SLC22A16: variants seen among roughly 807,000 people sequenced by gnomAD.
SLC22A16 encodes the protein WUGSC:RG331P03.1.
SLC22A16 carries 53 observed loss-of-function variants against 52.9 expected under a neutral mutation model. The observed-to-expected ratio is 1.00, with a 90% CI of 0.80 to 1.26. The LOEUF (loss-of-function observed/expected upper bound fraction) is 1.26, where lower values mean the gene tolerates loss of function less well. Among genes scored for constraint, SLC22A16 ranks in the 50% most tolerant of loss-of-function variants. The pLI, the probability that SLC22A16 is intolerant of heterozygous loss-of-function variation, is 0.00. For synonymous variants in SLC22A16, 291 were observed against 268.8 expected (o/e 1.08, Z -0.81); for missense variants, 726 against 704.0 (o/e 1.03, Z -0.35).
At chr6:110,425,520 A>C in intron 7 of SLC22A16, 2 of 602,258 alleles carry the variant, frequency 3.3e-6, no homozygotes, top group Non-Finnish European at 5.2e-6. Context: ...TGCCCCAATA[A>C]TCAGTACACT....
chr6:110,459,323 G>A (rs1775781120), intron 1 of SLC22A16, among the ~76,000 whole-genome samples: 1 of 152,170 alleles, frequency 6.6e-6, no homozygotes, highest in South Asian at 2.1e-4. Flanking sequence ...ACCAAGTGAT[G>A]AAGGTTAACA....
At chr6:110,470,652 C>T (rs1340444762) in intron 1 of SLC22A16, among the ~76,000 whole-genome samples, 1 of 152,072 alleles carries the variant, frequency 6.6e-6, no homozygotes, top group African/African-American at 2.4e-5. Flanking sequence ...TCTCTCTCTT[C>T]CCCTCTCCTT....
At chr6:110,442,148 A>G in intron 4 of SLC22A16, 96 bp downstream of exon 4, 1 of 1,245,852 alleles carries the variant, frequency 8.0e-7, no homozygotes, top group Non-Finnish European at 1.1e-6. Context: ...TATTAAAAAC[A>G]TTCTTTTTCT....
At chr6:110,434,311 GT>G (rs1774629304) in intron 6 of SLC22A16, among the ~76,000 whole-genome samples, 2 of 152,118 alleles carry the variant, frequency 1.3e-5, no homozygotes, top group South Asian at 4.1e-4. Context: ...GGTCCCAGCT[GT>G]GTGTCTTGCA....
chr6:110,431,085 A>G, intron 7 of SLC22A16, 86 bp downstream of exon 7: 2 of 1,104,918 alleles, frequency 1.8e-6, no homozygotes, highest in Non-Finnish European at 2.7e-6. Flanking sequence ...ACTGGCTTTC[A>G]GTAAATAACA....
intron 1 of SLC22A16, among the ~76,000 whole-genome samples, chr6:110,465,176 C>A (rs1776019946): frequency 6.6e-6 from 1 of 151,508 alleles, no homozygotes; most frequent in African/African-American, 2.4e-5. Context: ...TATAACAAAC[C>A]CGTAGCCAAC....
At chr6:110,458,493 C>A (rs970534955) in intron 1 of SLC22A16, among the ~76,000 whole-genome samples, 29 of 152,150 alleles carry the variant, frequency 1.9e-4, no homozygotes, top group African/African-American at 6.5e-4. Flanking sequence ...ACAATTTGAG[C>A]AACAAAATAA....
At chr6:110,460,047 C>T (rs1352499953) in intron 1 of SLC22A16, among the ~76,000 whole-genome samples, 1 of 152,130 alleles carries the variant, frequency 6.6e-6, no homozygotes, top group Non-Finnish European at 1.5e-5. Flanking sequence ...ACCAACATTC[C>T]TATAAAACCA....
chr6:110,471,092 C>T (rs1365755903), intron 1 of SLC22A16, among the ~76,000 whole-genome samples: 3 of 152,180 alleles, frequency 2.0e-5, no homozygotes, highest in South Asian at 4.1e-4. Flanking sequence ...CCACATGCCA[C>T]AAAACGACGT....
intron 6 of SLC22A16, 21 bp downstream of exon 6, chr6:110,435,831 C>G (rs1384065640): frequency 6.6e-7 from 1 of 1,515,106 alleles, no homozygotes; most frequent in Admixed American, 1.9e-5. Flanking sequence ...GGAAAACAAC[C>G]AGAAAACAAT....
chr6:110,454,280 A>C (rs1202315271), intron 2 of SLC22A16, among the ~76,000 whole-genome samples: 1 of 152,148 alleles, frequency 6.6e-6, no homozygotes, highest in Non-Finnish European at 1.5e-5. Context: ...CAAGAAGTAT[A>C]GAAGACTACA....
intron 1 of SLC22A16, among the ~76,000 whole-genome samples, chr6:110,466,982 A>T (rs1262684720): frequency 6.7e-6 from 1 of 150,166 alleles, no homozygotes; most frequent in Non-Finnish European, 1.5e-5. Flanking sequence ...ATCTGCATTC[A>T]ATCTGATGAG....
chr6:110,425,000 C>T lies in SLC22A16; in HGVS notation c.1607G>A (p.Trp536Ter), dbSNP rs776490761. 3.9e-5 allele frequency: 63 copies of T among 1,614,024 alleles called. No homozygotes were observed. The highest frequency in any genetic ancestry group is 5.3e-5 in the Non-Finnish European group (62 of 1,180,044). ...ETLGKRLATT[W>*]EEAAKLESEN... ...TGACTCCAGTTTTGCAGCCTCCTCC[C>T]AAGTAGTTGCTAGCCGTTTCCCAAG... The change falls in exon 8 of 8, where the codon TGG (tryptophan) becomes TAG (stop). Residue 536 changes from tryptophan to a stop codon, truncating the protein, a stop_gained. Transcript: ENST00000368919. LOFTEE classifies it low-confidence loss of function (END_TRUNC).
rs77392685 is a variant in SLC22A16 at position 110,455,131 on chromosome 6, A to G, written c.533+1407T>C. Among the ~76,000 whole-genome samples, 488 of 146,858 alleles carry G rather than the reference A, an allele frequency of 3.3e-3. 1 individual carries two copies. The highest frequency in any genetic ancestry group is 0.012 in the African/African-American group (462 of 39,700). Reference sequence around the variant, plus strand: ...GTTCAATATATGTCTATATAACTATACCAAGTTCAGACAAAGGAACTAAAT... The same window carrying G: ...GTTCAATATATGTCTATATAACTATGCCAAGTTCAGACAAAGGAACTAAAT... On this transcript the variant is annotated intron_variant, in intron 2 of 7. Coordinates refer to ENST00000368919, the MANE Select transcript of SLC22A16 (RefSeq NM_033125.4).
intron 2 of SLC22A16, among the ~76,000 whole-genome samples, chr6:110,450,194 G>C (rs1226377966): frequency 6.6e-6 from 1 of 152,060 alleles, no homozygotes; most frequent in Non-Finnish European, 1.5e-5. Context: ...AAAAGGAGGG[G>C]GGGGCACAAT....
intron 1 of SLC22A16, among the ~76,000 whole-genome samples, chr6:110,472,455 G>A (rs1381284872): frequency 6.6e-6 from 1 of 152,076 alleles, no homozygotes; most frequent in East Asian, 1.9e-4. Context: ...TCATGGAGAT[G>A]ACTGTAAGCT....
At chr6:110,456,095 C>T (rs2114988379) in intron 2 of SLC22A16, 1 of 157,856 alleles carries the variant, frequency 6.3e-6, no homozygotes, top group African/African-American at 2.4e-5. Context: ...AGATATACTG[C>T]TTAGGATCAG....
chr6:110,468,294 T>C (rs1179305899), intron 1 of SLC22A16, among the ~76,000 whole-genome samples: 1 of 152,220 alleles, frequency 6.6e-6, no homozygotes, highest in Admixed American at 6.5e-5. Context: ...GATGGGCTAA[T>C]GGGAGCTAGC....
At chr6:110,464,610 C>T (rs1775998454) in intron 1 of SLC22A16, among the ~76,000 whole-genome samples, 1 of 151,682 alleles carries the variant, frequency 6.6e-6, no homozygotes, top group Admixed American at 6.6e-5. Context: ...CTGAACAGAC[C>T]AATAACGAGT....
Sources: allele counts gnomAD v4.1 joint callset (sites outside exome capture counted in the v4.1 genomes callset), GRCh38; gene constraint gnomAD v4.1.1; transcripts MANE v1.5; gene names NCBI Gene and HGNC (gene_info 2026-07-23, HGNC 2026-07-21).